Variants in BRI3BP observed in about 807,000 individuals in gnomAD.
BRI3BP encodes BRI3-binding protein.
Under a neutral mutation model 15.8 loss-of-function variants are expected in BRI3BP, and 7 were observed. The ratio of observed to expected loss-of-function variants is 0.44; its 90% CI spans 0.25 to 0.83. BRI3BP has a LOEUF of 0.83. Among genes scored for constraint, BRI3BP ranks in the 40% least tolerant of loss-of-function variants. BRI3BP has a pLI of 0.20. For synonymous variants in BRI3BP, 192 were observed against 163.5 expected, an observed-to-expected ratio of 1.17 and a Z score of -1.33; for missense variants, 320 against 339.3, an observed-to-expected ratio of 0.94 and a Z score of 0.45.
chr12:125,014,025 G>A (rs758664809), intron 2 of BRI3BP, among the ~76,000 whole-genome samples: 9 of 152,124 alleles, frequency 5.9e-5, no homozygotes, highest in African/African-American at 1.2e-4. Context: ...GAGCTAACCC[G>A]GGCAGAGTGC....
chr12:124,998,072 C>T (rs1037833496), intron 1 of BRI3BP, among the ~76,000 whole-genome samples: 2 of 149,620 alleles, frequency 1.3e-5, no homozygotes, highest in African/African-American at 5.0e-5. Context: ...TGCAGTGAGC[C>T]AAGATTGCAC....
At chr12:125,038,634 G>A in the BRI3BP span, among the ~76,000 whole-genome samples, 1 of 151,942 alleles carries the variant, frequency 6.6e-6, no homozygotes, top group Non-Finnish European at 1.5e-5. Flanking sequence ...GCGTGGTGGT[G>A]CGTGCCTGTA....
At chr12:125,020,765 A>C (rs1955291966) in intron 2 of BRI3BP, among the ~76,000 whole-genome samples, 1 of 152,124 alleles carries the variant, frequency 6.6e-6, no homozygotes, top group Non-Finnish European at 1.5e-5. Context: ...TTGTAGTCTC[A>C]GCTACTTGGG....
chr12:125,004,726 C>T (rs1955127721), intron 1 of BRI3BP, among the ~76,000 whole-genome samples: 1 of 152,074 alleles, frequency 6.6e-6, no homozygotes. Context: ...TTTTCTGTCC[C>T]AGGATCCCAT....
the BRI3BP span, among the ~76,000 whole-genome samples, chr12:125,049,673 T>C: frequency 0.37 from 55,682 of 152,044 alleles, 10,872 homozygotes; most frequent in African/African-American, 0.49. Flanking sequence ...CTGGTTCTTC[T>C]TCAGGATTGG....
chr12:125,002,763 GT>G (rs1253866951), intron 1 of BRI3BP, among the ~76,000 whole-genome samples: 1 of 152,098 alleles, frequency 6.6e-6, no homozygotes, highest in Non-Finnish European at 1.5e-5. Context: ...GCCCAGAACT[GT>G]CTTTTGAAAT....
the BRI3BP span, among the ~76,000 whole-genome samples, chr12:125,036,383 A>G: frequency 1.3e-5 from 2 of 150,600 alleles, no homozygotes; most frequent in Non-Finnish European, 3.0e-5. Context: ...TATTTTATTT[A>G]TTTATTATTA....
the BRI3BP span, among the ~76,000 whole-genome samples, chr12:125,050,921 G>C: frequency 1.3e-5 from 2 of 152,160 alleles, no homozygotes; most frequent in Admixed American, 1.3e-4. Context: ...TCCCTTCACC[G>C]TATGTGCCAG....
chr12:125,022,541 A>ATTTATTTATTTATTTTTTTTTTTTTTT, intron 2 of BRI3BP, among the ~76,000 whole-genome samples: 2 of 139,402 alleles, frequency 1.4e-5, no homozygotes, highest in African/African-American at 2.9e-5. Flanking sequence ...TTATTTATTT[A>ATTTATTTATTTATTTTTTTTTTTTTTT]TTTTTTGAGA....
the BRI3BP span, among the ~76,000 whole-genome samples, chr12:125,050,152 A>C: frequency 6.6e-6 from 1 of 152,166 alleles, no homozygotes; most frequent in South Asian, 2.1e-4. Flanking sequence ...CGAGATCGAG[A>C]CCATCCTGGC....
the BRI3BP span, among the ~76,000 whole-genome samples, chr12:125,039,019 G>T: frequency 6.6e-6 from 1 of 152,196 alleles, no homozygotes; most frequent in African/African-American, 2.4e-5. Flanking sequence ...GAACCTGGGA[G>T]GGGGAGGTTG....
chr12:125,003,855 A>C (rs920466041), intron 1 of BRI3BP, among the ~76,000 whole-genome samples: 8 of 152,000 alleles, frequency 5.3e-5, no homozygotes, highest in Non-Finnish European at 8.8e-5. Flanking sequence ...CAGGAGGCTG[A>C]GGCAGGAGAA....
intron 2 of BRI3BP, among the ~76,000 whole-genome samples, chr12:125,019,574 A>G (rs1272429670): frequency 6.6e-6 from 1 of 151,164 alleles, no homozygotes; most frequent in Non-Finnish European, 1.5e-5. Flanking sequence ...TGCCACGTTA[A>G]GATGATGACA....
At chr12:125,019,660 C>CTTTTTTTTTGTTTT (rs1955278838) in intron 2 of BRI3BP, among the ~76,000 whole-genome samples, 1 of 24,732 alleles carries the variant, frequency 4.0e-5, no homozygotes, top group African/African-American at 1.3e-4. Context: ...TTTTTTTTGC[C>CTTTTTTTTTGTTTT]TTTTTTGCTG....
intron 2 of BRI3BP, among the ~76,000 whole-genome samples, chr12:125,017,130 G>C (rs929328416): frequency 6.6e-6 from 1 of 150,544 alleles, no homozygotes; most frequent in East Asian, 2.0e-4. Context: ...AGCAATTCTC[G>C]TGCCTCAGTC....
In BRI3BP at chr12:125,016,249, G is replaced by A. The variant is rs566401825; in HGVS notation, c.316+3613G>A. Among the ~76,000 whole-genome samples, 12 of 152,154 alleles carry A rather than the reference G, an allele frequency of 7.9e-5. No individual in the cohort carries two copies. In the South Asian group the frequency reaches 2.1e-3, roughly 26 times the overall value. ...GCCCTTTGGAATTCGTGTCTTATGC[G>A]TAGAAGTTTGAGTGCAAAATGCTTT... On this transcript the variant is annotated intron_variant, in intron 2 of 2. Coordinates refer to ENST00000341446, the MANE Select transcript of BRI3BP (RefSeq NM_080626.6).
chr12:125,005,187 C>G (rs1420414712), intron 1 of BRI3BP, among the ~76,000 whole-genome samples: 1 of 152,140 alleles, frequency 6.6e-6, no homozygotes, highest in Non-Finnish European at 1.5e-5. Context: ...TGGAATTTGT[C>G]TGATGTTTTT....
chr12:125,003,789 C>T (rs2135989093), intron 1 of BRI3BP, among the ~76,000 whole-genome samples: 1 of 152,070 alleles, frequency 6.6e-6, no homozygotes, highest in East Asian at 1.9e-4. Context: ...CCCATCTCTA[C>T]TAAAAATATA....
the BRI3BP span, among the ~76,000 whole-genome samples, chr12:125,046,576 A>T: frequency 6.6e-6 from 1 of 152,140 alleles, no homozygotes; most frequent in Non-Finnish European, 1.5e-5. Flanking sequence ...GAAAAAAAAA[A>T]TGTTTAAAAG....
Sources: gnomAD v4.1 joint callset for allele counts (sites outside exome capture counted in the v4.1 genomes callset) on GRCh38, gnomAD v4.1.1 for gene constraint, MANE v1.5 for transcripts, NCBI Gene and HGNC (gene_info 2026-07-23, HGNC 2026-07-21) for gene names.